The following LRSAM1 variants were observed in gnomAD, a reference collection of about 807,000 sequenced individuals.
LRSAM1 encodes E3 ubiquitin-protein ligase LRSAM1.
Under a neutral mutation model 118.1 loss-of-function variants are expected in LRSAM1, and 96 were observed. That is an observed-to-expected ratio of 0.81 (90% confidence interval 0.69 to 0.96). The LOEUF (loss-of-function observed/expected upper bound fraction) is 0.96. Among genes scored for constraint, LRSAM1 ranks in the 40% least tolerant of loss-of-function variants. The pLI, the probability that LRSAM1 is intolerant of heterozygous loss-of-function variation, is 0.00. For missense variants in LRSAM1, 804 were observed against 915.5 expected (o/e 0.88, Z 1.57); for synonymous variants, 322 against 364.2 (o/e 0.88, Z 1.32).
At chr9:127,464,580 A>G (rs570154802) in intron 9 of LRSAM1, among the ~76,000 whole-genome samples, 1 of 152,038 alleles carries the variant, frequency 6.6e-6, no homozygotes, top group South Asian at 2.1e-4. Context: ...ATTTTAGACA[A>G]TACAGCTCAG....
At chr9:127,457,755 CG>C (rs904664847) in intron 6 of LRSAM1, among the ~76,000 whole-genome samples, 2 of 152,140 alleles carry the variant, frequency 1.3e-5, no homozygotes, top group Admixed American at 6.5e-5. Context: ...AGCTCCTCCC[CG>C]GATGGGCTGG....
At chr9:127,481,371 GC>G in intron 15 of LRSAM1, 144 bp downstream of exon 15, 1 of 805,252 alleles carries the variant, frequency 1.2e-6, no homozygotes, top group East Asian at 2.6e-5. Flanking sequence ...CCCTGCCTCA[GC>G]CTCCCGAGTA....
Position 127,502,999 on chromosome 9 carries a change from C to T in LRSAM1, c.*100C>T. 1 of 1,426,062 alleles carries T rather than the reference C, an allele frequency of 7.0e-7. No homozygotes were observed. The highest frequency in any genetic ancestry group is 9.6e-7 in the Non-Finnish European group (1 of 1,046,526). The allele number at this position is 1,426,062 out of a possible 1,614,324, so 88.3% of individuals were successfully genotyped here. ...GTGCCAGCCAGACTCGTATGAGGCT[C>T]CCCCCTGCCCTGGGCCCCTTCCCCA... is the stretch of plus-strand genomic sequence containing the variant. On this transcript the variant is annotated 3_prime_UTR_variant, in exon 26 of 26. Coordinates refer to ENST00000300417, the MANE Select transcript of LRSAM1 (RefSeq NM_001005373.4).
At chr9:127,483,138 G>A in intron 16 of LRSAM1, 118 bp downstream of exon 16, 1 of 934,462 alleles carries the variant, frequency 1.1e-6, no homozygotes, top group Non-Finnish European at 1.7e-6. Context: ...CCTCGAGAGG[G>A]GCAGTCAAGT....
intron 11 of LRSAM1, among the ~76,000 whole-genome samples, chr9:127,474,762 AG>A (rs1835295140): frequency 6.6e-6 from 1 of 152,248 alleles, no homozygotes; most frequent in Non-Finnish European, 1.5e-5. Flanking sequence ...TGTGAGCACC[AG>A]TGACAGGCTG....
At chr9:127,499,293 G>A (rs968839509) in intron 24 of LRSAM1, among the ~76,000 whole-genome samples, 2 of 152,104 alleles carry the variant, frequency 1.3e-5, no homozygotes, top group African/African-American at 4.8e-5. Flanking sequence ...AGGATCGCTT[G>A]AGCTTGGGAG....
intron 10 of LRSAM1, chr9:127,471,128 C>G (rs1458272608): frequency 6.6e-6 from 1 of 151,992 alleles, no homozygotes; most frequent in Non-Finnish European, 1.5e-5. Context: ...CAGGTGATTC[C>G]AATATACACC....
chr9:127,473,933 TAAGAC>T lies in LRSAM1; in HGVS notation c.750+6_750+10del. 6.2e-6 allele frequency: 10 copies of T among 1,608,532 alleles called. No individual in the cohort carries two copies. Among genetic ancestry groups the T allele is most frequent in the Non-Finnish European group, 8.5e-6 (10 of 1,178,150 alleles). On this transcript the variant is annotated splice_donor_5th_base_variant and intron_variant, in intron 11 of 25. Coordinates refer to ENST00000300417, the MANE Select transcript of LRSAM1 (RefSeq NM_001005373.4). ...TCAAGGGAGGAGTTAGAGTGGCAGGTAAGACAAGGCAGCCTGCTGCACGCATACAT... is the reference window on the plus strand; with the variant it reads ...TCAAGGGAGGAGTTAGAGTGGCAGGTAAGGCAGCCTGCTGCACGCATACAT...
chr9:127,484,317 A>G (rs1280158780), intron 16 of LRSAM1, among the ~76,000 whole-genome samples: 1 of 143,092 alleles, frequency 7.0e-6, no homozygotes, highest in African/African-American at 2.6e-5. Context: ...CCCACCAGGG[A>G]AAAATTTTCT....
intron 10 of LRSAM1, among the ~76,000 whole-genome samples, chr9:127,469,119 A>G (rs1364619324): frequency 6.6e-6 from 1 of 152,232 alleles, no homozygotes; most frequent in Non-Finnish European, 1.5e-5. Flanking sequence ...GACTATAAAC[A>G]GAAATCCTAC....
chr9:127,467,176 G>A (rs1480508065), intron 9 of LRSAM1, among the ~76,000 whole-genome samples: 1 of 152,170 alleles, frequency 6.6e-6, no homozygotes, highest in Non-Finnish European at 1.5e-5. Flanking sequence ...GGTCTAAATA[G>A]GGGAGGGGGG....
At chr9:127,457,559 G>A (rs1469636250) in intron 6 of LRSAM1, 166 bp downstream of exon 6, 1 of 704,514 alleles carries the variant, frequency 1.4e-6, no homozygotes, top group African/African-American at 1.8e-5. Context: ...TGGGCTGTGT[G>A]TGGGTTAGGG....
chr9:127,496,925 A>T (rs1050654084), intron 23 of LRSAM1, among the ~76,000 whole-genome samples: 7 of 152,090 alleles, frequency 4.6e-5, no homozygotes, highest in Non-Finnish European at 1.0e-4. Context: ...CCTGGTGGGG[A>T]AGTGGCTGAG....
chr9:127,489,443 G>T lies in LRSAM1; in HGVS notation c.1348-1G>T. The T allele has an allele frequency of 6.2e-7, 1 of 1,606,038 alleles. No homozygotes were observed. The highest frequency in any genetic ancestry group is 8.5e-7 in the Non-Finnish European group (1 of 1,177,166). On this transcript the variant is annotated splice_acceptor_variant, in intron 18 of 25. Transcript: ENST00000300417. LOFTEE classifies it high-confidence loss of function. ...CTGAGGGCTGGTGGTCTGTGTTGCA[G>T]AGCGCGATGCAGAAGGCTGCGTTCG...
chr9:127,489,588 A>AT (rs1835856967), intron 19 of LRSAM1, 70 bp downstream of exon 19: 1 of 1,515,324 alleles, frequency 6.6e-7, no homozygotes, highest in East Asian at 2.4e-5. Context: ...CCAGGGCGGC[A>AT]GGTCGCAGCA....
At chr9:127,468,822 A>AC (rs1361992584) in intron 10 of LRSAM1, among the ~76,000 whole-genome samples, 1 of 146,376 alleles carries the variant, frequency 6.8e-6, no homozygotes, top group Non-Finnish European at 1.5e-5. Context: ...AAAAAAAAAA[A>AC]AAAAAAAAAA....
intron 8 of LRSAM1, among the ~76,000 whole-genome samples, chr9:127,461,614 G>A (rs1364306070): frequency 6.6e-6 from 1 of 152,230 alleles, no homozygotes; most frequent in South Asian, 2.1e-4. Context: ...CACCTCCAGC[G>A]ACGCACCAAG....
chr9:127,501,187 AC>A, intron 25 of LRSAM1, 44 bp downstream of exon 25: 1 of 1,603,732 alleles, frequency 6.2e-7, no homozygotes. Context: ...GCCTGTGGCC[AC>A]CCTCCTCAAA....
chr9:127,485,945 G>A lies in LRSAM1; in HGVS notation c.1259+110G>A, dbSNP rs572200220. 1.4e-4 allele frequency: 141 copies of A among 977,410 alleles called. No homozygotes were observed. In the African/African-American group the frequency reaches 2.1e-3, roughly 15 times the overall value. 60.5% of individuals were successfully genotyped at this position (977,410 alleles called of 1,614,324 possible). A position where few individuals can be genotyped will look rare whatever the true frequency, so the allele number is the denominator to read the frequency against. ...AAACCTCCCGCCCTGGGCCACCCCA[G>A]CCTCTGCTCTGCTGTTAGGGGCAAG... On this transcript the variant is annotated intron_variant, in intron 17 of 25. Transcript: ENST00000300417.
Sources: allele counts gnomAD v4.1 joint callset (sites outside exome capture counted in the v4.1 genomes callset), GRCh38; gene constraint gnomAD v4.1.1; transcripts MANE v1.5; gene names NCBI Gene and HGNC (gene_info 2026-07-23, HGNC 2026-07-21).